CDH18: variants seen among roughly 807,000 people sequenced by gnomAD.
The protein encoded by CDH18 is cadherin 18.
Under a neutral mutation model 67.9 loss-of-function variants are expected in CDH18, and 31 were observed. The ratio of observed to expected loss-of-function variants is 0.46; its 90% CI spans 0.34 to 0.62. CDH18 has a LOEUF of 0.62. Ranked by LOEUF, CDH18 falls within the 20% of genes least tolerant of loss-of-function variation. The pLI is 0.01. For synonymous variants in CDH18, 362 were observed against 347.2 expected (o/e 1.04, Z -0.48); for missense variants, 890 against 975.5 (o/e 0.91, Z 1.17).
chr5:19,515,747 T>C (rs1183163878), intron 10 of CDH18, among the ~76,000 whole-genome samples: 1 of 152,196 alleles, frequency 6.6e-6, no homozygotes, highest in African/African-American at 2.4e-5. Flanking sequence ...AAGAAGATTT[T>C]GGGCTGAGAC....
chr5:20,509,889 T>G (rs1278351845), intron 1 of CDH18, among the ~76,000 whole-genome samples: 1 of 152,202 alleles, frequency 6.6e-6, no homozygotes, highest in African/African-American at 2.4e-5. Flanking sequence ...TTGATTTTAT[T>G]CCTTTAAATA....
At chr5:20,097,550 G>A (rs1746096416) in intron 2 of CDH18, among the ~76,000 whole-genome samples, 2 of 152,094 alleles carry the variant, frequency 1.3e-5, no homozygotes, top group Non-Finnish European at 2.9e-5. Context: ...CACAATTCCA[G>A]GTAAGATTTG....
chr5:19,964,553 G>A (rs1797235652), intron 2 of CDH18, among the ~76,000 whole-genome samples: 1 of 151,234 alleles, frequency 6.6e-6, no homozygotes, highest in African/African-American at 2.4e-5. Flanking sequence ...AGATGCTGAA[G>A]TGGGAGGATT....
intron 2 of CDH18, among the ~76,000 whole-genome samples, chr5:20,133,949 A>C (rs115459925): frequency 1.8e-3 from 269 of 152,164 alleles, no homozygotes; most frequent in African/African-American, 6.2e-3. Context: ...ATGTCTTACA[A>C]CTTTTGATAA....
chr5:20,406,168 G>A (rs1313166799), intron 1 of CDH18, among the ~76,000 whole-genome samples: 2 of 152,098 alleles, frequency 1.3e-5, no homozygotes, highest in Admixed American at 1.3e-4. Flanking sequence ...CAATAGCAAA[G>A]ACTTGGAACC....
At chr5:20,185,930 A>G (rs1738065205) in intron 2 of CDH18, among the ~76,000 whole-genome samples, 1 of 151,992 alleles carries the variant, frequency 6.6e-6, no homozygotes, top group Non-Finnish European at 1.5e-5. Context: ...GCACGCAAGA[A>G]ATACTTTCTG....
At chr5:19,514,026 G>C (rs1020371229) in intron 10 of CDH18, among the ~76,000 whole-genome samples, 6 of 152,014 alleles carry the variant, frequency 3.9e-5, no homozygotes, top group African/African-American at 1.5e-4. Context: ...GCCCCAGCGT[G>C]TGATGTTCCC....
intron 5 of CDH18, among the ~76,000 whole-genome samples, chr5:19,675,083 CT>C (rs1231800068): frequency 5.9e-5 from 9 of 151,974 alleles, no homozygotes; most frequent in Admixed American, 3.9e-4. Context: ...CGTGACGCCC[CT>C]GAGCCGTAAA....
chr5:20,540,570 TTTTTGA>T (rs1756997937), intron 1 of CDH18, among the ~76,000 whole-genome samples: 1 of 152,188 alleles, frequency 6.6e-6, no homozygotes, highest in Non-Finnish European at 1.5e-5. Context: ...TGATATAATG[TTTTTGA>T]GTGACTATAA....
At chr5:19,673,143 G>T (rs1319218361) in intron 5 of CDH18, among the ~76,000 whole-genome samples, 1 of 152,096 alleles carries the variant, frequency 6.6e-6, no homozygotes, top group Non-Finnish European at 1.5e-5. Context: ...TCCAGGGAGA[G>T]CTGTCTTTAC....
At chr5:20,371,842 G>A (rs1743027033) in intron 1 of CDH18, among the ~76,000 whole-genome samples, 1 of 152,184 alleles carries the variant, frequency 6.6e-6, no homozygotes, top group African/African-American at 2.4e-5. Context: ...AGTAAGAGAA[G>A]AACAATGCAG....
chr5:20,308,370 C>G (rs1736670571), intron 1 of CDH18, among the ~76,000 whole-genome samples: 1 of 151,750 alleles, frequency 6.6e-6, no homozygotes, highest in South Asian at 2.1e-4. Context: ...CGGTGAAACC[C>G]CATCTCTACT....
At chr5:19,611,536 G>A (rs779209908) in intron 6 of CDH18, among the ~76,000 whole-genome samples, 4 of 152,238 alleles carry the variant, frequency 2.6e-5, no homozygotes, top group South Asian at 2.1e-4. Flanking sequence ...GGCCTGAGGT[G>A]TACTGCAAAT....
chr5:20,434,501 TA>T (rs1749016260), intron 1 of CDH18, among the ~76,000 whole-genome samples: 1 of 152,044 alleles, frequency 6.6e-6, no homozygotes, highest in South Asian at 2.1e-4. Flanking sequence ...TGTATCTTGG[TA>T]ACTGGAAGGA....
chr5:20,471,354 T>C (rs1014623243), intron 1 of CDH18, among the ~76,000 whole-genome samples: 6 of 152,144 alleles, frequency 3.9e-5, no homozygotes, highest in African/African-American at 9.7e-5. Context: ...TCTAAACTGG[T>C]TTCCCTGTTT....
intron 2 of CDH18, among the ~76,000 whole-genome samples, chr5:19,937,495 A>G (rs1794401882): frequency 6.6e-6 from 1 of 151,490 alleles, no homozygotes; most frequent in Admixed American, 6.6e-5. Flanking sequence ...CAGACATTAC[A>G]ATGGAATTTT....
chr5:19,591,359 T>A (rs1173292173), intron 6 of CDH18, 115 bp from the exon 7 acceptor site: 1 of 552,108 alleles, frequency 1.8e-6, no homozygotes, highest in Non-Finnish European at 2.8e-6. Context: ...AGGTAATGCA[T>A]CAAATGGACT....
At chr5:19,766,876 T>A (rs1246341441) in intron 3 of CDH18, among the ~76,000 whole-genome samples, 1 of 152,208 alleles carries the variant, frequency 6.6e-6, no homozygotes, top group Non-Finnish European at 1.5e-5. Context: ...GAATGCCTTG[T>A]CATTCAATAC....
intron 2 of CDH18, among the ~76,000 whole-genome samples, chr5:19,875,711 ATT>A (rs746784082): frequency 6.6e-6 from 1 of 152,004 alleles, no homozygotes; most frequent in African/African-American, 2.4e-5. Flanking sequence ...TCTAGAAAGA[ATT>A]TGTTTACTTT....
Sources: allele counts gnomAD v4.1 joint callset (sites outside exome capture counted in the v4.1 genomes callset), GRCh38; gene constraint gnomAD v4.1.1; transcripts MANE v1.5; gene names NCBI Gene and HGNC (gene_info 2026-07-23, HGNC 2026-07-21).